C5: variants seen among roughly 807,000 people sequenced by gnomAD.
C5 encodes complement C5.
In C5, 140 loss-of-function variants were observed where a neutral mutation model predicts 218.8. The observed-to-expected ratio is 0.64, with a 90% CI of 0.56 to 0.74. The LOEUF (loss-of-function observed/expected upper bound fraction) is 0.74. Ranked by LOEUF, C5 falls within the 30% of genes least tolerant of loss-of-function variation. The probability of loss-of-function intolerance (pLI) is 0.00; values close to 1 mark genes in which losing one functional copy is unlikely to be tolerated. For synonymous variants in C5, 614 were observed against 682.3 expected (o/e 0.90, Z 1.56); for missense variants, 1,700 against 1,969.6 (o/e 0.86, Z 2.59).
chr9:120,991,156 G>GA (rs1298061555), intron 23 of C5, 35 bp downstream of exon 23: 1 of 1,208,876 alleles, frequency 8.3e-7, no homozygotes, highest in Non-Finnish European at 1.2e-6. Flanking sequence ...AGCACCAAGT[G>GA]AAATGAGAAA....
At chr9:121,067,337 C>A in the C5 span, among the ~76,000 whole-genome samples, 1 of 151,320 alleles carries the variant, frequency 6.6e-6, no homozygotes, top group African/African-American at 2.4e-5. Context: ...CCAAGGTGGG[C>A]GGATCATGAG....
chr9:121,043,837 C>G (rs1306691027), intron 2 of C5, among the ~76,000 whole-genome samples: 1 of 151,554 alleles, frequency 6.6e-6, no homozygotes, highest in South Asian at 2.1e-4. Context: ...CATCAGTCAC[C>G]GTGCCCATGT....
chr9:121,020,082 A>G lies in C5; in HGVS notation c.1400T>C (p.Ile467Thr). ...AGCCTTATGGTTATCAGTCCAATCA[A>G]TATAAAGGTAACTTTGGCTGAGAGA... ...YSSLSQSYLY[I>T]DWTDNHKALL... Residue 467 changes from isoleucine (I) to threonine (T), a missense_variant, in exon 12 of 41, where the codon ATT becomes ACT. Transcript: ENST00000223642. The G allele has an allele frequency of 6.2e-7, 1 of 1,613,442 alleles. No homozygotes were observed. The highest frequency in any genetic ancestry group is 8.5e-7 in the Non-Finnish European group (1 of 1,179,424).
chr9:120,996,072 G>A (rs2047114169), intron 22 of C5, among the ~76,000 whole-genome samples, 168 bp downstream of exon 22: 1 of 152,132 alleles, frequency 6.6e-6, no homozygotes, highest in African/African-American at 2.4e-5. Context: ...ACCCACCTCG[G>A]CCTCCCAAAG....
intron 1 of C5, among the ~76,000 whole-genome samples, chr9:121,048,330 G>A (rs566840331): frequency 2.0e-5 from 3 of 152,202 alleles, no homozygotes; most frequent in Non-Finnish European, 4.4e-5. Flanking sequence ...GGTGAGCAGT[G>A]GGGCAAAGGA....
chr9:120,953,504 T>C (rs2046762067), intron 40 of C5, among the ~76,000 whole-genome samples: 1 of 152,194 alleles, frequency 6.6e-6, no homozygotes, highest in Non-Finnish European at 1.5e-5. Flanking sequence ...CGGTGAGTAC[T>C]TTCAGATTCA....
intron 20 of C5, among the ~76,000 whole-genome samples, chr9:121,001,599 T>A (rs1401787009): frequency 1.3e-5 from 2 of 152,214 alleles, no homozygotes; most frequent in Non-Finnish European, 2.9e-5. Context: ...TTTTCAGCAA[T>A]GTTACATTTT....
In C5 at chr9:121,043,000, C is replaced by T. The variant is rs1310834885; in HGVS notation, c.421+4G>A. 4 of 1,609,160 alleles carry T rather than the reference C, an allele frequency of 2.5e-6. No homozygotes were observed. The highest frequency in any genetic ancestry group is 1.1e-5 in the South Asian group (1 of 90,924). The stretch of plus-strand genomic sequence containing the variant: ...CCCAGAGGAAGAAATATCTTATAAT[C>T]TACCTGACTGGTCTGGAGTATAAAC... On this transcript the variant is annotated splice_donor_region_variant and intron_variant, in intron 3 of 40. Coordinates refer to ENST00000223642, the MANE Select transcript of C5 (RefSeq NM_001735.3).
chr9:121,072,780 T>C, the C5 span, among the ~76,000 whole-genome samples: 1 of 139,030 alleles, frequency 7.2e-6, no homozygotes, highest in East Asian at 2.1e-4. Flanking sequence ...CACTCCAGCC[T>C]GGGTGACAGA....
chr9:120,968,435 C>T (rs910909752), intron 33 of C5, among the ~76,000 whole-genome samples: 12 of 152,218 alleles, frequency 7.9e-5, no homozygotes, highest in African/African-American at 2.9e-4. Context: ...GATTTTGGGA[C>T]TTCTCACCTC....
At chr9:121,058,838 G>A in the C5 span, among the ~76,000 whole-genome samples, 1 of 152,214 alleles carries the variant, frequency 6.6e-6, no homozygotes, top group South Asian at 2.1e-4. Flanking sequence ...GTGTATTCTA[G>A]GCAAAGGTTC....
At chr9:120,988,183 T>C (rs1266595000) in intron 25 of C5, among the ~76,000 whole-genome samples, 1 of 152,210 alleles carries the variant, frequency 6.6e-6, no homozygotes, top group Non-Finnish European at 1.5e-5. Context: ...ATATGTTTCA[T>C]TGAATAAATA....
chr9:121,053,192 AC>A (rs1357498376), upstream of C5, among the ~76,000 whole-genome samples: 1 of 152,230 alleles, frequency 6.6e-6, no homozygotes, highest in East Asian at 1.9e-4. Context: ...AAATGGAGAC[AC>A]GGGAATCATA....
At chr9:121,018,578 AAAGGAAGG>A (rs56204327) in intron 12 of C5, among the ~76,000 whole-genome samples, 28,331 of 80,320 alleles carry the variant, frequency 0.35, 6,277 homozygotes, top group South Asian at 0.55. Context: ...CACCAAAAAG[AAAGGAAGG>A]AAGGAAGGAA....
At chr9:121,058,926 G>A in the C5 span, among the ~76,000 whole-genome samples, 1 of 152,190 alleles carries the variant, frequency 6.6e-6, no homozygotes, top group East Asian at 1.9e-4. Context: ...TTCCTCAATA[G>A]AGCTGGAGCA....
chr9:121,002,016 A>T (rs925430978), intron 20 of C5, among the ~76,000 whole-genome samples: 2 of 151,636 alleles, frequency 1.3e-5, no homozygotes, highest in Admixed American at 6.6e-5. Context: ...CCACCATGTG[A>T]ATTACTGTGC....
At chr9:121,060,185 G>T in the C5 span, among the ~76,000 whole-genome samples, 1 of 152,296 alleles carries the variant, frequency 6.6e-6, no homozygotes, top group Middle Eastern at 3.4e-3. Context: ...TGTACTTTAA[G>T]TTCCTGAAGA....
At chr9:121,032,770 C>T (rs941560502) in intron 5 of C5, among the ~76,000 whole-genome samples, 6 of 152,174 alleles carry the variant, frequency 3.9e-5, no homozygotes, top group African/African-American at 1.4e-4. Flanking sequence ...GAGGCCAAGG[C>T]AGGAGGATCG....
At chr9:120,969,187 T>C (rs2046891962) in intron 32 of C5, 69 bp from the exon 33 acceptor site, 2 of 1,234,498 alleles carry the variant, frequency 1.6e-6, no homozygotes, top group Non-Finnish European at 2.4e-6. Context: ...CTTTGGAACC[T>C]GTCAGAACAG....
Sources: gnomAD v4.1 joint callset for allele counts (sites outside exome capture counted in the v4.1 genomes callset) on GRCh38, gnomAD v4.1.1 for gene constraint, MANE v1.5 for transcripts, NCBI Gene and HGNC (gene_info 2026-07-23, HGNC 2026-07-21) for gene names.